Variants in ABCA4 observed in about 807,000 individuals in gnomAD.
ABCA4 encodes the protein retinal-specific phospholipid-transporting ATPase ABCA4.
In ABCA4, 196 loss-of-function variants were observed where a neutral mutation model predicts 263.7. That is an observed-to-expected ratio of 0.74 (90% CI 0.66 to 0.84). The LOEUF is 0.84. Among genes scored for constraint, ABCA4 ranks in the 40% least tolerant of loss-of-function variants. The pLI is 0.00. For synonymous variants in ABCA4, 1,133 were observed against 1,094.2 expected, an observed-to-expected ratio of 1.04 and a Z score of -0.70; for missense variants, 2,792 against 2,855.1, an observed-to-expected ratio of 0.98 and a Z score of 0.50.
At position 94,018,194 on chromosome 1, in the gene ABCA4, C is replaced by T. The variant is rs112226613; in HGVS notation, c.5196+1388G>A. The stretch of plus-strand genomic sequence containing the variant: ...AGAGATCCCTGTAAGCGCACACGCG[C>T]GTGCGTGCACACATACACACACACA... On this transcript the variant is annotated intron_variant, in intron 36 of 49. Coordinates refer to ENST00000370225, the MANE Select transcript of ABCA4 (RefSeq NM_000350.3). Among the ~76,000 whole-genome samples, 27 of 149,692 alleles carry T rather than the reference C, an allele frequency of 1.8e-4. No homozygotes were observed. In the South Asian group the frequency reaches 2.1e-3, roughly 12 times the overall value.
chr1:93,997,833 A>T (rs755019908), intron 48 of ABCA4, 28 bp downstream of exon 48: 1 of 1,613,344 alleles, frequency 6.2e-7, no homozygotes, highest in Admixed American at 1.7e-5. Flanking sequence ...GTCTTTGCTC[A>T]GCTCTCGGTG....
chr1:94,023,511 C>A, intron 31 of ABCA4, 93 bp from the exon 32 acceptor site: 1 of 1,152,686 alleles, frequency 8.7e-7, no homozygotes, highest in South Asian at 1.3e-5. Context: ...AGACTGAAGT[C>A]TCAGTCTTCA....
chr1:94,081,423 A>G (rs1189729212), intron 7 of ABCA4, among the ~76,000 whole-genome samples: 1 of 152,162 alleles, frequency 6.6e-6, no homozygotes, highest in East Asian at 1.9e-4. Flanking sequence ...AAAAGAGGGA[A>G]ATAAAATGAT....
chr1:94,082,904 TTTTC>T (rs1292181650), intron 7 of ABCA4, among the ~76,000 whole-genome samples: 2 of 152,234 alleles, frequency 1.3e-5, no homozygotes, highest in East Asian at 3.8e-4. Context: ...AAGTCCATTG[TTTTC>T]TTTATGATGA....
intron 1 of ABCA4, among the ~76,000 whole-genome samples, chr1:94,118,731 G>A (rs978192977): frequency 1.3e-5 from 2 of 152,202 alleles, no homozygotes; most frequent in East Asian, 1.9e-4. Context: ...CCCTCAGCCC[G>A]AGTGGCTCCA....
At chr1:94,000,958 G>T in intron 46 of ABCA4, 30 bp from the exon 47 acceptor site, 1 of 1,614,124 alleles carries the variant, frequency 6.2e-7, no homozygotes, top group Non-Finnish European at 8.5e-7. Context: ...AGGTGAGCAG[G>T]AGAGGATTCC....
chr1:94,025,642 T>G (rs1660021083), intron 30 of ABCA4: 1 of 167,278 alleles, frequency 6.0e-6, no homozygotes, highest in African/African-American at 2.4e-5. Context: ...TCACTCTGCC[T>G]GGGAACTCTA....
chr1:94,052,166 G>A (rs1384506799), intron 16 of ABCA4, among the ~76,000 whole-genome samples: 1 of 152,164 alleles, frequency 6.6e-6, no homozygotes, highest in Admixed American at 6.5e-5. Flanking sequence ...GGCACACTGA[G>A]ATTCAGCCAT....
chr1:94,019,218 G>T (rs1354461567), intron 36 of ABCA4, among the ~76,000 whole-genome samples: 6 of 151,782 alleles, frequency 4.0e-5, no homozygotes, highest in African/African-American at 1.5e-4. Context: ...AAGGGGACTT[G>T]GGGTGAAAGA....
intron 3 of ABCA4, among the ~76,000 whole-genome samples, chr1:94,109,952 A>C (rs1662557792): frequency 6.6e-6 from 1 of 151,488 alleles, no homozygotes; most frequent in Admixed American, 6.6e-5. Context: ...CCCTTCTCCA[A>C]CTCCCACCCC....
chr1:94,034,723 G>C (rs746188974), intron 26 of ABCA4, among the ~76,000 whole-genome samples: 11 of 151,710 alleles, frequency 7.3e-5, no homozygotes, highest in Non-Finnish European at 1.3e-4. Flanking sequence ...CAACCTCTGT[G>C]AGCTCAGTTC....
intron 9 of ABCA4, 54 bp downstream of exon 9, chr1:94,079,268 C>T (rs1270641008): frequency 3.7e-6 from 6 of 1,610,484 alleles, no homozygotes; most frequent in African/African-American, 1.3e-5. Flanking sequence ...CACACACACA[C>T]ACACACTTCT....
At position 94,079,351 on chromosome 1, in the gene ABCA4, A is replaced by T; in HGVS notation, c.1210T>A (p.Ser404Thr). Residue 404 changes from serine to threonine, a missense_variant, in exon 9 of 50, where the codon TCA (serine) becomes ACA (threonine). Transcript: ENST00000370225. Reference protein sequence around the residue: ...LMGKILYTPDSPAARRILKNA... With the variant: ...LMGKILYTPDTPAARRILKNA... The stretch of plus-strand genomic sequence containing the variant: ...TTCAGTATCCTTCGTGCTGCAGGTG[A>T]ATCAGGAGTGTACAGGATTTTTCCC... The T allele has an allele frequency of 6.2e-7, 1 of 1,614,112 alleles. No homozygotes were observed. The highest frequency in any genetic ancestry group is 8.5e-7 in the Non-Finnish European group (1 of 1,180,010).
Position 94,103,055 on chromosome 1 carries a change from A to C in ABCA4, c.530T>G (p.Val177Gly). Reference protein sequence around the residue: ...LIKNIGLSDSVVYLLINSQVR... With the variant: ...LIKNIGLSDSGVYLLINSQVR... ...TTGAGAGTTGATCAGAAGGTAGACCACTGAGTCAGACAGGCCGATGTTTTT... is the reference window on the plus strand; with the variant it reads ...TTGAGAGTTGATCAGAAGGTAGACCCCTGAGTCAGACAGGCCGATGTTTTT... The change falls in exon 5 of 50, where the codon GTG (valine) becomes GGG (glycine). Residue 177 changes from valine to glycine, a missense_variant. Transcript: ENST00000370225. 1 of 1,614,192 alleles carries C rather than the reference A, an allele frequency of 6.2e-7. No individual in the cohort carries two copies. Among genetic ancestry groups the C allele is most frequent in the Non-Finnish European group, 8.5e-7 (1 of 1,180,028 alleles).
chr1:94,000,781 G>A (rs1206742875), intron 47 of ABCA4, 55 bp downstream of exon 47: 3 of 1,562,350 alleles, frequency 1.9e-6, no homozygotes, highest in Non-Finnish European at 2.6e-6. Flanking sequence ...GGAGAACACA[G>A]GATCCAGGTG....
At chr1:94,057,446 C>G (rs1225777989) in intron 14 of ABCA4, among the ~76,000 whole-genome samples, 4 of 152,112 alleles carry the variant, frequency 2.6e-5, no homozygotes, top group African/African-American at 9.7e-5. Flanking sequence ...CTGGATAAAC[C>G]AGGTATATGG....
At chr1:94,100,076 C>T (rs1662249953) in intron 5 of ABCA4, among the ~76,000 whole-genome samples, 2 of 152,290 alleles carry the variant, frequency 1.3e-5, no homozygotes, top group South Asian at 2.1e-4. Context: ...CATCTAACGA[C>T]GTGGCTCTCT....
chr1:94,065,547 G>T (rs1456718992), intron 11 of ABCA4, among the ~76,000 whole-genome samples: 1 of 152,210 alleles, frequency 6.6e-6, no homozygotes, highest in Non-Finnish European at 1.5e-5. Flanking sequence ...GCGATTCAGA[G>T]GCTGTGTTTG....
At chr1:94,004,401 A>T (rs1659311838) in intron 44 of ABCA4, among the ~76,000 whole-genome samples, 1 of 152,146 alleles carries the variant, frequency 6.6e-6, no homozygotes, top group African/African-American at 2.4e-5. Flanking sequence ...ATCCTGTAAC[A>T]CATCTAAAAT....
Sources: allele counts gnomAD v4.1 joint callset (sites outside exome capture counted in the v4.1 genomes callset), GRCh38; gene constraint gnomAD v4.1.1; transcripts MANE v1.5; gene names NCBI Gene and HGNC (gene_info 2026-07-23, HGNC 2026-07-21).